Variants in SLC9A9 observed in about 807,000 individuals in gnomAD.
SLC9A9 encodes the protein solute carrier family 9 member A9, also known as sodium/hydrogen exchanger 9.
SLC9A9 carries 62 observed loss-of-function variants against 77.8 expected under a neutral mutation model. The observed-to-expected ratio is 0.80, with a 90% CI of 0.65 to 0.98. The LOEUF is 0.98. Among genes scored for constraint, SLC9A9 ranks in the 50% least tolerant of loss-of-function variants. The pLI is 0.00. For missense variants in SLC9A9, 775 were observed against 774.9 expected (o/e 1.00, Z 0.00); for synonymous variants, 320 against 283.5 (o/e 1.13, Z -1.29).
chr3:143,676,288 T>C (rs1439366826), intron 5 of SLC9A9, among the ~76,000 whole-genome samples: 1 of 152,150 alleles, frequency 6.6e-6, no homozygotes, highest in Non-Finnish European at 1.5e-5. Flanking sequence ...TGACCTAGTA[T>C]ATGTCCTACC....
At chr3:143,287,685 T>G (rs1006821117) in intron 14 of SLC9A9, among the ~76,000 whole-genome samples, 2 of 152,228 alleles carry the variant, frequency 1.3e-5, no homozygotes, top group African/African-American at 4.8e-5. Flanking sequence ...ACTTTCCCAT[T>G]TTCTGCTCAG....
At position 143,432,880 on chromosome 3, in the gene SLC9A9, C is replaced by T. The variant is rs113544220; in HGVS notation, c.1469+34157G>A. 7.9e-5 allele frequency among the ~76,000 whole-genome samples: 12 copies of T among 152,334 alleles called. 1 individual carries two copies. The highest frequency in any genetic ancestry group is 2.9e-4 in the African/African-American group (12 of 41,564). ...TGACCTCATGATCCCCCCACCTTGG[C>T]CTTCCAAAGTGCTGGGATTACAGGC... On this transcript the variant is annotated intron_variant, in intron 12 of 15. Transcript: ENST00000316549.
chr3:143,473,196 C>T (rs748973231), intron 11 of SLC9A9, among the ~76,000 whole-genome samples: 3 of 152,174 alleles, frequency 2.0e-5, no homozygotes, highest in Non-Finnish European at 2.9e-5. Flanking sequence ...GCCTGTGCCC[C>T]GAACCACTCT....
intron 4 of SLC9A9, among the ~76,000 whole-genome samples, chr3:143,713,777 A>C (rs1934259604): frequency 6.6e-6 from 1 of 152,236 alleles, no homozygotes; most frequent in Non-Finnish European, 1.5e-5. Flanking sequence ...TGGGAAATAA[A>C]ACGAGATAAC....
At chr3:143,361,725 T>C (rs2032759048) in intron 14 of SLC9A9, among the ~76,000 whole-genome samples, 2 of 152,320 alleles carry the variant, frequency 1.3e-5, no homozygotes, top group East Asian at 1.9e-4. Context: ...TGCTAGTCTA[T>C]CTATAATCAT....
At chr3:143,397,811 C>G (rs2033763582) in intron 12 of SLC9A9, among the ~76,000 whole-genome samples, 1 of 152,084 alleles carries the variant, frequency 6.6e-6, no homozygotes, top group African/African-American at 2.4e-5. Context: ...TCTCTTGATG[C>G]AAGGAGCATA....
chr3:143,485,350 A>AT (rs911633975), intron 11 of SLC9A9, among the ~76,000 whole-genome samples: 1 of 152,064 alleles, frequency 6.6e-6, no homozygotes, highest in African/African-American at 2.4e-5. Flanking sequence ...GACCCTTTTA[A>AT]TTTTTTTCAC....
intron 13 of SLC9A9, among the ~76,000 whole-genome samples, chr3:143,375,492 T>C (rs953142076): frequency 6.6e-6 from 1 of 152,236 alleles, no homozygotes; most frequent in African/African-American, 2.4e-5. Context: ...GCTTACATTC[T>C]TGCCCTCTGT....
chr3:143,642,231 C>G (rs2038637168), intron 6 of SLC9A9, among the ~76,000 whole-genome samples: 1 of 152,222 alleles, frequency 6.6e-6, no homozygotes, highest in Non-Finnish European at 1.5e-5. Context: ...AATGAGAAAA[C>G]TATTGCCATC....
chr3:143,629,907 G>A (rs2038391928), intron 6 of SLC9A9, among the ~76,000 whole-genome samples: 1 of 152,046 alleles, frequency 6.6e-6, no homozygotes, highest in Non-Finnish European at 1.5e-5. Flanking sequence ...TGTCTTCTTA[G>A]GGCTGTAAAT....
In SLC9A9 at chr3:143,838,046, AAATG is replaced by A. The variant is rs1010217335; in HGVS notation, c.176-5829_176-5826del. On this transcript the variant is annotated intron_variant, in intron 1 of 15. Coordinates refer to ENST00000316549, the MANE Select transcript of SLC9A9 (RefSeq NM_173653.4). ...TGGACTTCCAGTTATGGGAGATAAT[AAATG>A]TCTTTATTGCTTAATTCTGTTTCTG... 4.0e-3 allele frequency among the ~76,000 whole-genome samples: 85 copies of A among 21,426 alleles called. No homozygotes were observed. In the Non-Finnish European group the frequency reaches 0.14, roughly 35 times the overall value. The allele number at this position is 21,426 out of a possible 152,430, so 14.1% of individuals were successfully genotyped here.
In SLC9A9 at chr3:143,789,276, G is replaced by A. The variant is rs80068070; in HGVS notation, c.533+5725C>T. 7.4e-4 allele frequency among the ~76,000 whole-genome samples: 112 copies of A among 152,278 alleles called. 2 individuals are homozygous for A. In the East Asian group the frequency reaches 0.021, roughly 29 times the overall value. The stretch of plus-strand genomic sequence containing the variant: ...TAGTTCTAGCTAAACAAGGAGATAT[G>A]TAAAATTCTCACCGTCCTGACTTTC... On this transcript the variant is annotated intron_variant, in intron 4 of 15. Transcript: ENST00000316549.
intron 13 of SLC9A9, among the ~76,000 whole-genome samples, chr3:143,364,739 T>C (rs765295310): frequency 2.0e-5 from 3 of 152,194 alleles, no homozygotes; most frequent in Non-Finnish European, 4.4e-5. Context: ...TCACTTTTAG[T>C]CAGCCATTTA....
chr3:143,797,947 T>C (rs2008434161), intron 2 of SLC9A9, among the ~76,000 whole-genome samples: 1 of 152,172 alleles, frequency 6.6e-6, no homozygotes, highest in Non-Finnish European at 1.5e-5. Flanking sequence ...TGAAATTTGG[T>C]GCCATGACTC....
intron 12 of SLC9A9, among the ~76,000 whole-genome samples, chr3:143,405,254 C>CA (rs1169848760): frequency 2.2e-4 from 34 of 152,178 alleles, no homozygotes; most frequent in Non-Finnish European, 4.0e-4. Context: ...CTATTCATTT[C>CA]AAAAAAACCT....
chr3:143,814,017 C>A (rs2008938734), intron 2 of SLC9A9, among the ~76,000 whole-genome samples: 1 of 152,174 alleles, frequency 6.6e-6, no homozygotes, highest in African/African-American at 2.4e-5. Context: ...GACCAGGAGA[C>A]ATCCATTCAC....
At position 143,550,630 on chromosome 3, in the gene SLC9A9, C is replaced by T. The variant is rs189962946; in HGVS notation, c.1089+1732G>A. On this transcript the variant is annotated intron_variant, in intron 9 of 15. Transcript: ENST00000316549. ...CAAGCCTACTTTAGAATAGAGCCCC[C>T]CAAAAATCAACAGACGTATACATAA... Among the ~76,000 whole-genome samples, 540 of 152,240 alleles carry T rather than the reference C, an allele frequency of 3.5e-3. 1 individual carries two copies. The highest frequency in any genetic ancestry group is 0.012 in the African/African-American group (509 of 41,538).
chr3:143,616,789 C>T (rs1450571000), intron 6 of SLC9A9, among the ~76,000 whole-genome samples: 3 of 152,126 alleles, frequency 2.0e-5, no homozygotes, highest in African/African-American at 7.2e-5. Flanking sequence ...AGAAACCTCT[C>T]ATAAATATGG....
At chr3:143,385,140 C>G (rs1458725546) in intron 12 of SLC9A9, among the ~76,000 whole-genome samples, 1 of 151,390 alleles carries the variant, frequency 6.6e-6, no homozygotes, top group Non-Finnish European at 1.5e-5. Flanking sequence ...TCCCTGACTA[C>G]TGTCTTTTTT....
Sources: allele counts gnomAD v4.1 joint callset (sites outside exome capture counted in the v4.1 genomes callset), GRCh38; gene constraint gnomAD v4.1.1; transcripts MANE v1.5; gene names NCBI Gene and HGNC (gene_info 2026-07-23, HGNC 2026-07-21).